Variants in MROH2A observed in about 807,000 individuals in gnomAD.
The protein encoded by MROH2A is maestro heat-like repeat-containing protein family member 2A.
In MROH2A, 174 loss-of-function variants were observed where a neutral mutation model predicts 200.4. The ratio of observed to expected loss-of-function variants is 0.87; its 90% CI spans 0.77 to 0.98. The LOEUF is 0.98. MROH2A is among the 50% of genes least tolerant of loss of function. The pLI is 0.00. For missense variants in MROH2A, 2,045 were observed against 2,139.6 expected (o/e 0.96, Z 0.87); for synonymous variants, 829 against 840.4 (o/e 0.99, Z 0.23).
intron 29 of MROH2A, 129 bp from the exon 30 acceptor site, chr2:233,819,188 G>C: frequency 4.2e-6 from 4 of 959,114 alleles, no homozygotes; most frequent in Non-Finnish European, 6.1e-6. Flanking sequence ...CCCAGGAGGA[G>C]GCCATGGCCA....
Position 233,794,368 on chromosome 2 carries a change from G to A in MROH2A, c.828G>A (p.Lys276=). 2 of 1,550,356 alleles carry A rather than the reference G, an allele frequency of 1.3e-6. No homozygotes were observed. Among genetic ancestry groups the A allele is most frequent in the Non-Finnish European group, 1.7e-6 (2 of 1,146,766 alleles). The change falls in exon 8 of 42, where the codon AAG becomes AAA. Residue 276 remains lysine, a synonymous_variant. Transcript: ENST00000389758. ...VWLRHYNPEV[K]LGVIKSLKPM... is the part of the protein sequence containing the mutation. ...GAGCTGGTTTCTGGTGGCAGGTGAA[G>A]CTGGGGGTGATCAAGTCCCTGAAGC...
At chr2:233,787,494 C>CATATATATCAT in intron 3 of MROH2A, among the ~76,000 whole-genome samples, 1 of 117,596 alleles carries the variant, frequency 8.5e-6, no homozygotes, top group East Asian at 2.3e-4. Flanking sequence ...AATATATATA[C>CATATATATCAT]ATATACATAT....
intron 19 of MROH2A, among the ~76,000 whole-genome samples, chr2:233,806,328 T>C (rs1306943096): frequency 6.6e-6 from 1 of 152,180 alleles, no homozygotes; most frequent in Non-Finnish European, 1.5e-5. Context: ...TTTGTGTGCT[T>C]CTACTACTTC....
At chr2:233,822,081 CAT>C in intron 31 of MROH2A, 41 bp from the exon 32 acceptor site, 1 of 1,525,686 alleles carries the variant, frequency 6.6e-7, no homozygotes. Context: ...TGCCAGGGCA[CAT>C]GCCAGGAAAC....
chr2:233,805,202 G>A lies in MROH2A; in HGVS notation c.2052+91G>A, dbSNP rs567931116. ...GGATAACACCGTGTGTGTGAGATCA[G>A]CTGGACCTGTGGCTGTTTACAGGGT... On this transcript the variant is annotated intron_variant, in intron 19 of 41. Coordinates refer to ENST00000389758, the MANE Select transcript of MROH2A (RefSeq NM_001394639.1). 1.2e-4 allele frequency: 105 copies of A among 846,452 alleles called. 5 individuals carry two copies. In the South Asian group the frequency reaches 1.3e-3, roughly 11 times the overall value. 52.4% of individuals were successfully genotyped at this position (846,452 alleles called of 1,614,324 possible).
chr2:233,779,829 A>G lies in MROH2A; in HGVS notation c.253A>G (p.Ile85Val). 2 of 1,549,470 alleles carry G rather than the reference A, an allele frequency of 1.3e-6. No individual in the cohort carries two copies. Among genetic ancestry groups the G allele is most frequent in the South Asian group, 2.4e-5 (2 of 84,016 alleles). The change falls in exon 3 of 42, where the codon ATC becomes GTC. Residue 85 changes from isoleucine to valine, a missense_variant. This residue lies in a region of MROH2A where 831 missense variants were observed against 800.0 expected (regional missense o/e 1.04). Transcript: ENST00000389758. ...GCCTTCTGTAGTGATAAACACTCTC[A>G]TCCGCTGCCTGCAGGTGCCAGAGGT... ...TEPSVVINTL[I>V]RCLQVPEIST... is the part of the protein sequence containing the mutation.
chr2:233,830,902 G>T (rs987351353), intron 38 of MROH2A, among the ~76,000 whole-genome samples: 2 of 152,154 alleles, frequency 1.3e-5, no homozygotes, highest in African/African-American at 4.8e-5. Flanking sequence ...CCAGTGGGGT[G>T]GGGGGGCTTC....
rs1347373679 is a variant in MROH2A at position 233,832,293 on chromosome 2, C to T, written c.4837+14C>T. On this transcript the variant is annotated intron_variant, in intron 40 of 41. Coordinates refer to ENST00000389758, the MANE Select transcript of MROH2A (RefSeq NM_001394639.1). ...GCAACTTGGCAGGTGAGCAGAGAGA[C>T]GTCTCCTGACTCAAGATAGACTTTG... 3.2e-6 allele frequency: 5 copies of T among 1,547,028 alleles called. No homozygotes were observed. The highest frequency in any genetic ancestry group is 4.9e-5 in the East Asian group (2 of 40,922).
chr2:233,823,426 T>A, intron 34 of MROH2A, 130 bp from the exon 35 acceptor site: 1 of 1,128,670 alleles, frequency 8.9e-7, no homozygotes, highest in Non-Finnish European at 1.2e-6. Context: ...AACCCAGAGA[T>A]GTTACGACAT....
At chr2:233,818,207 C>G in intron 28 of MROH2A, 82 bp downstream of exon 28, 2 of 1,500,358 alleles carry the variant, frequency 1.3e-6, no homozygotes, top group Non-Finnish European at 1.8e-6. Flanking sequence ...GCGGCCTGCC[C>G]TGGAGGGAAG....
chr2:233,813,740 T>C lies in MROH2A; in HGVS notation c.2722T>C (p.Ser908Pro). The change falls in exon 25 of 42, where the codon TCT becomes CCT. Residue 908 changes from serine (S) to proline (P), a missense_variant. Physicochemically the swap from Ser to Pro is moderately conservative, Grantham distance 74. Coordinates refer to ENST00000389758, the MANE Select transcript of MROH2A (RefSeq NM_001394639.1). ...GGATATCAGCATACATTCTGTAATT[T>C]CTCTCCAACTCCCAGGAGAGGACAA... ...LMDISIHSVISLQLPGEDNES... is the reference protein window; with the variant it reads ...LMDISIHSVIPLQLPGEDNES... 6.5e-7 allele frequency: 1 copy of C among 1,549,802 alleles called. No individual in the cohort carries two copies.
At chr2:233,827,702 C>G (rs999130262) in intron 35 of MROH2A, among the ~76,000 whole-genome samples, 1 of 151,990 alleles carries the variant, frequency 6.6e-6, no homozygotes, top group Non-Finnish European at 1.5e-5. Context: ...CTTGCACTTC[C>G]TGCACATGTA....
At chr2:233,821,866 G>C (rs1280887371) in intron 31 of MROH2A, among the ~76,000 whole-genome samples, 1 of 152,132 alleles carries the variant, frequency 6.6e-6, no homozygotes, top group African/African-American at 2.4e-5. Context: ...TGGTCATCTA[G>C]CAGTGGAGGT....
At chr2:233,805,728 T>G (rs562316081) in intron 19 of MROH2A, among the ~76,000 whole-genome samples, 147 of 152,328 alleles carry the variant, frequency 9.7e-4, no homozygotes, top group Middle Eastern at 3.4e-3. Flanking sequence ...AAGGATAGAT[T>G]GATAAAATAG....
Position 233,814,548 on chromosome 2 carries a change from T to C in MROH2A, c.2761-34T>C, listed in dbSNP as rs959316002. 6.6e-6 allele frequency: 10 copies of C among 1,516,592 alleles called. No individual in the cohort carries two copies. In the Admixed American group the frequency reaches 7.9e-5, roughly 12 times the overall value. 93.9% of individuals were successfully genotyped at this position (1,516,592 alleles called of 1,614,324 possible). On this transcript the variant is annotated intron_variant, in intron 25 of 41. Coordinates refer to ENST00000389758, the MANE Select transcript of MROH2A (RefSeq NM_001394639.1). ...GGAGGGGGGTTGTGGGTGCCCCTCATTGCCGCCTATCTCTCTCTCCCTCTT... is the reference window on the plus strand; with the variant it reads ...GGAGGGGGGTTGTGGGTGCCCCTCACTGCCGCCTATCTCTCTCTCCCTCTT...
At position 233,802,231 on chromosome 2, in the gene MROH2A, A is replaced by G. The variant is rs1015503829; in HGVS notation, c.1624A>G (p.Ile542Val). Reference protein sequence around the residue: ...ETDYVEALTPICISLTNLAEH... With the variant: ...ETDYVEALTPVCISLTNLAEH... ...AGACTACGTGGAAGCTTTGACTCCT[A>G]TCTGTATCAGCCTCACAAACCTGGC... The change falls in exon 15 of 42, where the codon ATC becomes GTC. Residue 542 changes from isoleucine (I) to valine (V), a missense_variant. Physicochemically the swap from Ile to Val is conservative, Grantham distance 29 (BLOSUM62 3). Transcript: ENST00000389758. 3.2e-6 allele frequency: 5 copies of G among 1,550,434 alleles called. No individual in the cohort carries two copies. The highest frequency in any genetic ancestry group is 1.2e-5 in the South Asian group (1 of 84,054).
Position 233,809,224 on chromosome 2 carries a change from C to T in MROH2A, c.2394C>T (p.Leu798=), listed in dbSNP as rs961224410. ...SYCHPQLLLN[L]VDSPITAKII... is the part of the protein sequence containing the mutation. ...GCCACCCCCAGTTGCTCCTCAACCT[C>T]GTGGACAGCCCCATCACCGCTAAGA... The change falls in exon 22 of 42, where the codon CTC becomes CTT. Residue 798 remains leucine (L), a synonymous_variant. Coordinates refer to ENST00000389758, the MANE Select transcript of MROH2A (RefSeq NM_001394639.1). 9.7e-6 allele frequency: 15 copies of T among 1,550,460 alleles called. No individual in the cohort carries two copies. Among genetic ancestry groups the T allele is most frequent in the Admixed American group, 5.9e-5 (3 of 50,988 alleles).
Position 233,829,081 on chromosome 2 carries a change from G to A in MROH2A, c.4446+9G>A, listed in dbSNP as rs938097699. ...GGATCTTCTTCGACAACGTGAGTCC[G>A]ATGAGAGCCTCCCTGAGCTTGCTCA... On this transcript the variant is annotated intron_variant, in intron 37 of 41. Transcript: ENST00000389758. 26 of 1,500,772 alleles carry A rather than the reference G, an allele frequency of 1.7e-5. No homozygotes were observed. In the African/African-American group the frequency reaches 2.4e-4, roughly 14 times the overall value. 93.0% of individuals were successfully genotyped at this position (1,500,772 alleles called of 1,614,324 possible). A position where few individuals can be genotyped will look rare whatever the true frequency, so the allele number is the denominator to read the frequency against.
At chr2:233,818,606 G>T in intron 28 of MROH2A, 46 bp from the exon 29 acceptor site, 1 of 1,257,576 alleles carries the variant, frequency 8.0e-7, no homozygotes, top group South Asian at 1.3e-5. Flanking sequence ...GGGGTGGCTG[G>T]GCCTTTTGTC....
Sources: allele counts gnomAD v4.1 joint callset (sites outside exome capture counted in the v4.1 genomes callset), GRCh38; gene constraint gnomAD v4.1.1; regional missense constraint gnomAD v4.1.1; transcripts MANE v1.5; gene names NCBI Gene and HGNC (gene_info 2026-07-23, HGNC 2026-07-21).